Variants in DPYSL2 observed in about 807,000 individuals in gnomAD.
DPYSL2 encodes dihydropyrimidinase-related protein 2.
In DPYSL2, 13 loss-of-function variants were observed where a neutral mutation model predicts 69.9. That is an observed-to-expected ratio of 0.19 (90% CI 0.12 to 0.30). The LOEUF is 0.30. Among genes scored for constraint, DPYSL2 ranks in the 10% least tolerant of loss-of-function variants. The pLI, the probability that DPYSL2 is intolerant of heterozygous loss-of-function variation, is 1.00. For synonymous variants in DPYSL2, 326 were observed against 359.1 expected, an observed-to-expected ratio of 0.91 and a Z score of 1.04; for missense variants, 587 against 918.9, an observed-to-expected ratio of 0.64 and a Z score of 4.67.
At chr8:26,518,147 C>A (rs536288227) in intron 1 of DPYSL2, among the ~76,000 whole-genome samples, 2 of 152,208 alleles carry the variant, frequency 1.3e-5, no homozygotes, top group Non-Finnish European at 2.9e-5. Context: ...CCCCAGAGAT[C>A]CGTGTCTGAT....
chr8:26,550,788 T>C (rs1800862807), intron 1 of DPYSL2, among the ~76,000 whole-genome samples: 1 of 152,158 alleles, frequency 6.6e-6, no homozygotes, highest in Non-Finnish European at 1.5e-5. Context: ...TCTGAAGGCC[T>C]CAGATGCAAG....
At chr8:26,618,475 G>T (rs1467498559) in intron 3 of DPYSL2, among the ~76,000 whole-genome samples, 6 of 135,810 alleles carry the variant, frequency 4.4e-5, no homozygotes, top group Non-Finnish European at 9.2e-5. Context: ...ACCATGCCCG[G>T]GTAATGTTTT....
At chr8:26,529,274 A>G (rs1471745836) in intron 1 of DPYSL2, among the ~76,000 whole-genome samples, 4 of 131,782 alleles carry the variant, frequency 3.0e-5, no homozygotes, top group Non-Finnish European at 3.4e-5. Flanking sequence ...CTATCTATCT[A>G]TCATCTATCT....
rs1803103440 is a variant in DPYSL2 at position 26,643,766 on chromosome 8, T to G, written c.1283+171T>G. On this transcript the variant is annotated intron_variant, in intron 9 of 13. Transcript: ENST00000521913. This position sits in a 1 kb window ranked among gnomAD's most constrained non-coding sequence, Gnocchi z 6.5. ...AGGGAATTGTCATTCTAGCACCATT[T>G]TGGGAGGGGATTCTGGATAAAAACC... Among the ~76,000 whole-genome samples, 1 of 152,112 alleles carries G rather than the reference T, an allele frequency of 6.6e-6. No homozygotes were observed. The highest frequency in any genetic ancestry group is 1.5e-5 in the Non-Finnish European group (1 of 68,026).
At chr8:26,581,853 G>A (rs1801500498) in intron 1 of DPYSL2, 116 bp from the exon 2 acceptor site, 2 of 789,790 alleles carry the variant, frequency 2.5e-6, no homozygotes, top group Non-Finnish European at 4.2e-6. Flanking sequence ...TTCCAAAATG[G>A]GCTTATTTTG....
At chr8:26,628,822 C>T (rs1460005907) in intron 7 of DPYSL2, among the ~76,000 whole-genome samples, 2 of 152,158 alleles carry the variant, frequency 1.3e-5, no homozygotes, top group African/African-American at 2.4e-5. Flanking sequence ...AGGAGCTTGG[C>T]AAGAGCTCCC....
At chr8:26,535,937 T>TGTGTGTGTGTGTGTG (rs1585494592) in intron 1 of DPYSL2, among the ~76,000 whole-genome samples, 1 of 145,092 alleles carries the variant, frequency 6.9e-6, no homozygotes, top group African/African-American at 2.5e-5. Context: ...TGTGTGTGTG[T>TGTGTGTGTGTGTGTG]TTGAGATGGG....
Position 26,558,663 on chromosome 8 carries a change from T to C in DPYSL2, c.355-23306T>C, listed in dbSNP as rs565366335. On this transcript the variant is annotated intron_variant, in intron 1 of 13. Coordinates refer to ENST00000521913, the MANE Select transcript of DPYSL2 (RefSeq NM_001197293.3). ...ATCACACTAATGCAAGATGTTAATA[T>C]ATTAGTAATAGGAGAAACAGTGTTT... is the stretch of plus-strand genomic sequence containing the variant. 1.2e-3 allele frequency among the ~76,000 whole-genome samples: 180 copies of C among 152,322 alleles called. 1 individual carries two copies. Among genetic ancestry groups the C allele is most frequent in the African/African-American group, 4.1e-3 (172 of 41,574 alleles).
At chr8:26,532,372 A>G (rs1436829982) in intron 1 of DPYSL2, among the ~76,000 whole-genome samples, 3 of 152,222 alleles carry the variant, frequency 2.0e-5, no homozygotes, top group Non-Finnish European at 2.9e-5. Context: ...AGTATTTACT[A>G]TTGAAATATT....
rs569367758 is a variant in DPYSL2 at position 26,588,725 on chromosome 8, G to A, written c.628+4742G>A. ...CTTCTCCCCTGGCTGTGGCTCCCTG[G>A]ATGTGCATCAGGCACCTCCATCCAA... On this transcript the variant is annotated intron_variant, in intron 3 of 13. Coordinates refer to ENST00000521913, the MANE Select transcript of DPYSL2 (RefSeq NM_001197293.3). The surrounding 1 kb of genome is among the most constrained non-coding windows in gnomAD (Gnocchi z 5.4). Among the ~76,000 whole-genome samples, 63 of 152,228 alleles carry A rather than the reference G, an allele frequency of 4.1e-4. No individual in the cohort carries two copies. The highest frequency in any genetic ancestry group is 1.4e-3 in the African/African-American group (59 of 41,534).
At chr8:26,568,368 T>G (rs1417387058) in intron 1 of DPYSL2, among the ~76,000 whole-genome samples, 1 of 152,174 alleles carries the variant, frequency 6.6e-6, no homozygotes, top group Non-Finnish European at 1.5e-5. Context: ...AGAGGGGGAC[T>G]GTGTATGGGG....
At chr8:26,596,747 C>T (rs554994135) in intron 3 of DPYSL2, among the ~76,000 whole-genome samples, 1 of 152,360 alleles carries the variant, frequency 6.6e-6, no homozygotes, top group African/African-American at 2.4e-5. Flanking sequence ...GCCACAGAGC[C>T]TGCAAGTGCG....
chr8:26,602,138 A>ATTTTTTTTTTTTTT (rs374443692), intron 3 of DPYSL2, among the ~76,000 whole-genome samples: 5 of 135,302 alleles, frequency 3.7e-5, no homozygotes, highest in Non-Finnish European at 6.3e-5. Flanking sequence ...AACAAAGGAA[A>ATTTTTTTTTTTTTT]TTTTTTTTTT....
In DPYSL2 at chr8:26,652,791, G is replaced by A. The variant is rs1431988287; in HGVS notation, c.1776+355G>A. Among the ~76,000 whole-genome samples the A allele has an allele frequency of 6.6e-6, 1 of 152,188 alleles. No individual in the cohort carries two copies. Among genetic ancestry groups the A allele is most frequent in the Non-Finnish European group, 1.5e-5 (1 of 68,038 alleles). On this transcript the variant is annotated intron_variant, in intron 12 of 13. Coordinates refer to ENST00000521913, the MANE Select transcript of DPYSL2 (RefSeq NM_001197293.3). This position sits in a 1 kb window ranked among gnomAD's most constrained non-coding sequence, Gnocchi z 6.3. The stretch of plus-strand genomic sequence containing the variant: ...GTTTGTCAAGTCAAAGAAGGGAGAT[G>A]AGGGAATTTGATAAGAGTATCATGA...
intron 3 of DPYSL2, among the ~76,000 whole-genome samples, chr8:26,590,636 C>T (rs2129769923): frequency 1.4e-5 from 2 of 144,678 alleles, no homozygotes; most frequent in South Asian, 4.7e-4. Flanking sequence ...CTGGAAGAAT[C>T]CATCCACCCT....
At chr8:26,608,035 CCACTGCA>C (rs1210334965) in intron 3 of DPYSL2, among the ~76,000 whole-genome samples, 3 of 149,832 alleles carry the variant, frequency 2.0e-5, no homozygotes, top group Non-Finnish European at 4.4e-5. Context: ...CTAGATCACG[CCACTGCA>C]CTCCAACCTG....
At position 26,587,261 on chromosome 8, in the gene DPYSL2, G is replaced by A. The variant is rs879829758; in HGVS notation, c.628+3278G>A. On this transcript the variant is annotated intron_variant, in intron 3 of 13. Coordinates refer to ENST00000521913, the MANE Select transcript of DPYSL2 (RefSeq NM_001197293.3). The surrounding 1 kb of genome is among the most constrained non-coding windows in gnomAD (Gnocchi z 4.2). ...ATATTGAGTCCAGAAAGAAATGCCT[G>A]GGGCACTTTGAAAACTTCACAGGCC... 2.0e-5 allele frequency among the ~76,000 whole-genome samples: 3 copies of A among 152,146 alleles called. No homozygotes were observed. The highest frequency in any genetic ancestry group is 4.4e-5 in the Non-Finnish European group (3 of 68,030).
intron 3 of DPYSL2, among the ~76,000 whole-genome samples, chr8:26,592,564 C>A (rs1801762803): frequency 6.6e-6 from 1 of 151,786 alleles, no homozygotes; most frequent in East Asian, 1.9e-4. Flanking sequence ...CAACCTCCAC[C>A]TCCCAGGTAC....
chr8:26,573,663 T>C (rs1313519440), intron 1 of DPYSL2, among the ~76,000 whole-genome samples: 3 of 58,900 alleles, frequency 5.1e-5, no homozygotes, highest in African/African-American at 1.1e-4. Flanking sequence ...AGCAAGACTG[T>C]CTCAAAAAAA....
Sources: allele counts gnomAD v4.1 joint callset (sites outside exome capture counted in the v4.1 genomes callset), GRCh38; gene constraint gnomAD v4.1.1; non-coding constraint Gnocchi (gnomAD v3.1); transcripts MANE v1.5; gene names NCBI Gene and HGNC (gene_info 2026-07-23, HGNC 2026-07-21).